The following CNTNAP2 variants were observed in gnomAD, a reference collection of about 807,000 sequenced individuals.
CNTNAP2 encodes contactin-associated protein-like 2.
CNTNAP2 carries 98 observed loss-of-function variants against 155.2 expected under a neutral mutation model. That is an observed-to-expected ratio of 0.63 (90% confidence interval 0.54 to 0.75). The LOEUF is 0.75. Ranked by LOEUF, CNTNAP2 falls within the 30% of genes least tolerant of loss-of-function variation. CNTNAP2 has a pLI of 0.00. For missense variants in CNTNAP2, 1,727 were observed against 1,688.1 expected, an observed-to-expected ratio of 1.02 and a Z score of -0.40; for synonymous variants, 651 against 631.2, an observed-to-expected ratio of 1.03 and a Z score of -0.47.
intron 11 of CNTNAP2, among the ~76,000 whole-genome samples, chr7:147,514,118 A>C (rs1448322818): frequency 6.6e-6 from 1 of 152,228 alleles, no homozygotes; most frequent in African/African-American, 2.4e-5. Context: ...ACATGAAAAA[A>C]TTAGAAAAAA....
At chr7:147,052,424 A>G (rs1344873303) in intron 4 of CNTNAP2, among the ~76,000 whole-genome samples, 1 of 152,064 alleles carries the variant, frequency 6.6e-6, no homozygotes, top group African/African-American at 2.4e-5. Context: ...CTCAGTGAAA[A>G]CTGATTACTA....
At chr7:147,713,768 C>A (rs151263246) in intron 13 of CNTNAP2, among the ~76,000 whole-genome samples, 2,511 of 152,226 alleles carry the variant, frequency 0.016, 225 homozygotes, top group Admixed American at 0.15. Context: ...CAATGAATGA[C>A]AGATCCAGTT....
intron 17 of CNTNAP2, among the ~76,000 whole-genome samples, chr7:148,157,352 T>G (rs1805418128): frequency 6.6e-6 from 1 of 152,194 alleles, no homozygotes; most frequent in Admixed American, 6.5e-5. Flanking sequence ...AAATATTTGC[T>G]GAGCAAACAT....
chr7:146,210,898 CT>C, intron 1 of CNTNAP2, among the ~76,000 whole-genome samples: 1 of 151,704 alleles, frequency 6.6e-6, no homozygotes, highest in South Asian at 2.1e-4. Flanking sequence ...TTTCCACACA[CT>C]TTTGTTTTAA....
At chr7:146,873,215 A>G (rs867786183) in intron 3 of CNTNAP2, among the ~76,000 whole-genome samples, 2 of 152,146 alleles carry the variant, frequency 1.3e-5, no homozygotes, top group African/African-American at 4.8e-5. Flanking sequence ...TACTGGAAGT[A>G]ACCCTTTCTA....
rs748787013 is a variant in CNTNAP2, at chr7:147,128,790, A to G, written c.1037A>G (p.Asn346Ser). 16 of 1,614,010 alleles carry G rather than the reference A, an allele frequency of 9.9e-6. No individual in the cohort carries two copies. Among genetic ancestry groups the G allele is most frequent in the East Asian group, 2.2e-5 (1 of 44,886 alleles). ...GAAAGCATCAACTACAATGGCGTCA[A>G]CATTACTGATCTTGCCAGAAGGAAG... is the stretch of plus-strand genomic sequence containing the variant. ...CMESINYNGVNITDLARRKKL... is the reference protein window; with the variant it reads ...CMESINYNGVSITDLARRKKL... Residue 346 changes from asparagine (N) to serine (S), a missense_variant, in exon 7 of 24, where the codon AAC (asparagine) becomes AGC (serine). Coordinates refer to ENST00000361727, the MANE Select transcript of CNTNAP2 (RefSeq NM_014141.6).
chr7:147,851,231 C>T (rs1309666423), intron 13 of CNTNAP2, among the ~76,000 whole-genome samples: 1 of 152,144 alleles, frequency 6.6e-6, no homozygotes, highest in South Asian at 2.1e-4. Flanking sequence ...GATACCATCT[C>T]ACACCAGTTA....
At chr7:147,948,485 A>G (rs1279319365) in intron 14 of CNTNAP2, among the ~76,000 whole-genome samples, 1 of 149,124 alleles carries the variant, frequency 6.7e-6, no homozygotes, top group Non-Finnish European at 1.5e-5. Context: ...AATAAAATAA[A>G]TGAAATAAAA....
At chr7:147,764,802 G>A (rs1198795417) in intron 13 of CNTNAP2, among the ~76,000 whole-genome samples, 1 of 152,134 alleles carries the variant, frequency 6.6e-6, no homozygotes, top group African/African-American at 2.4e-5. Flanking sequence ...TTAAAAATCA[G>A]AAGTCATCAT....
intron 1 of CNTNAP2, among the ~76,000 whole-genome samples, chr7:146,518,272 C>G (rs193151142): frequency 5.2e-4 from 79 of 151,072 alleles, no homozygotes; most frequent in African/African-American, 1.7e-3. Context: ...TATAAGAATA[C>G]CTGTAGGAAT....
intron 1 of CNTNAP2, among the ~76,000 whole-genome samples, chr7:146,274,686 TGAA>T (rs1354321741): frequency 6.6e-6 from 1 of 152,076 alleles, no homozygotes; most frequent in Non-Finnish European, 1.5e-5. Context: ...TTTCCATGGA[TGAA>T]GAAGGATTCA....
At chr7:148,113,904 G>A (rs1804408465) in intron 15 of CNTNAP2, among the ~76,000 whole-genome samples, 1 of 152,192 alleles carries the variant, frequency 6.6e-6, no homozygotes, top group African/African-American at 2.4e-5. Context: ...GACCCTTCCA[G>A]TCTCAGACAC....
chr7:147,780,804 G>A (rs1797650753), intron 13 of CNTNAP2, among the ~76,000 whole-genome samples: 1 of 152,196 alleles, frequency 6.6e-6, no homozygotes, highest in African/African-American at 2.4e-5. Flanking sequence ...TAGTAATAAG[G>A]CTTCAGGTAT....
intron 9 of CNTNAP2, among the ~76,000 whole-genome samples, chr7:147,383,554 A>G (rs562747399): frequency 6.6e-6 from 1 of 152,144 alleles, no homozygotes; most frequent in African/African-American, 2.4e-5. Context: ...CTCACTCATA[A>G]GTGGGAGTTG....
At chr7:148,348,777 A>G (rs1798368370) in intron 21 of CNTNAP2, among the ~76,000 whole-genome samples, 2 of 152,258 alleles carry the variant, frequency 1.3e-5, no homozygotes, top group South Asian at 4.1e-4. Context: ...TCATCTCAGT[A>G]TGTATGAACA....
At chr7:146,559,332 G>A (rs1420753110) in intron 1 of CNTNAP2, among the ~76,000 whole-genome samples, 1 of 152,054 alleles carries the variant, frequency 6.6e-6, no homozygotes, top group Non-Finnish European at 1.5e-5. Flanking sequence ...CACCTTGAGA[G>A]GCCGAGGTGG....
At chr7:148,320,928 A>G (rs1463918049) in intron 21 of CNTNAP2, among the ~76,000 whole-genome samples, 1 of 152,222 alleles carries the variant, frequency 6.6e-6, no homozygotes, top group East Asian at 1.9e-4. Context: ...CTACTTGTCA[A>G]TGTAGGCTAT....
At chr7:148,181,841 T>C (rs1250705702) in intron 18 of CNTNAP2, among the ~76,000 whole-genome samples, 2 of 127,906 alleles carry the variant, frequency 1.6e-5, no homozygotes, top group Non-Finnish European at 3.1e-5. Flanking sequence ...CACTGCAAGC[T>C]CCAACTCCCG....
intron 15 of CNTNAP2, among the ~76,000 whole-genome samples, chr7:148,005,175 C>G (rs1313258463): frequency 1.3e-5 from 2 of 152,090 alleles, no homozygotes; most frequent in Non-Finnish European, 2.9e-5. Flanking sequence ...CAAGGTCAGG[C>G]TCTGGTGAGG....
Sources: allele counts gnomAD v4.1 joint callset (sites outside exome capture counted in the v4.1 genomes callset), GRCh38; gene constraint gnomAD v4.1.1; transcripts MANE v1.5; gene names NCBI Gene and HGNC (gene_info 2026-07-23, HGNC 2026-07-21).